Variants in NRXN3 observed in about 807,000 individuals in gnomAD.
The protein encoded by NRXN3 is neurexin III.
A neutral mutation model predicts 137.6 loss-of-function variants in NRXN3; 32 were observed. The observed-to-expected ratio is 0.23, with a 90% CI of 0.18 to 0.31. The LOEUF is 0.31. Among genes scored for constraint, NRXN3 ranks in the 10% least tolerant of loss-of-function variants. The pLI is 1.00. For missense variants in NRXN3, 1,574 were observed against 2,062.5 expected (o/e 0.76, Z 4.59); for synonymous variants, 798 against 784.5 (o/e 1.02, Z -0.29).
Position 78,645,456 on chromosome 14 carries a change from C to T in NRXN3, c.1059+35C>T, listed in dbSNP as rs551315100. On this transcript the variant is annotated intron_variant, in intron 5 of 20. Transcript: ENST00000335750. ...GAGGGGAGAGAATTCCTGGAAGGCT[C>T]ATCTTAGGTGGCTGGGTAGTAAATT... 7.1e-5 allele frequency: 108 copies of T among 1,521,200 alleles called. 1 individual carries two copies. In the South Asian group the frequency reaches 1.3e-3, roughly 18 times the overall value. The allele number at this position is 1,521,200 out of a possible 1,614,324, so 94.2% of individuals were successfully genotyped here.
At chr14:79,849,210 C>T (rs745740887) in intron 20 of NRXN3, among the ~76,000 whole-genome samples, 6 of 152,182 alleles carry the variant, frequency 3.9e-5, no homozygotes, top group African/African-American at 7.2e-5. Flanking sequence ...TCTACTTTTG[C>T]TTCCCAAAAG....
intron 19 of NRXN3, among the ~76,000 whole-genome samples, chr14:79,803,703 T>C (rs1343971509): frequency 6.6e-6 from 1 of 152,036 alleles, no homozygotes; most frequent in Non-Finnish European, 1.5e-5. Flanking sequence ...AAGAAGCCTA[T>C]TGCAAGCCAC....
intron 15 of NRXN3, among the ~76,000 whole-genome samples, chr14:79,417,187 C>G (rs2095509250): frequency 6.6e-6 from 1 of 152,074 alleles, no homozygotes; most frequent in Non-Finnish European, 1.5e-5. Context: ...GTATGATATG[C>G]AAGAAGCACC....
At chr14:78,553,845 C>A (rs1198625905) in intron 4 of NRXN3, among the ~76,000 whole-genome samples, 1 of 152,186 alleles carries the variant, frequency 6.6e-6, no homozygotes, top group Non-Finnish European at 1.5e-5. Flanking sequence ...GTTGTGCCTA[C>A]AGCAACTTGT....
intron 4 of NRXN3, among the ~76,000 whole-genome samples, chr14:78,628,093 G>T: frequency 6.8e-6 from 1 of 146,350 alleles, no homozygotes; most frequent in East Asian, 2.0e-4. Context: ...TTTTTTAAGA[G>T]ACCAAATCTT....
intron 2 of NRXN3, among the ~76,000 whole-genome samples, chr14:78,261,092 G>A (rs898127208): frequency 2.0e-5 from 3 of 152,142 alleles, no homozygotes; most frequent in Non-Finnish European, 4.4e-5. Context: ...AAAGAGCCCA[G>A]GCAGTGGATG....
At chr14:78,284,654 G>A (rs1317347297) in intron 3 of NRXN3, among the ~76,000 whole-genome samples, 3 of 152,176 alleles carry the variant, frequency 2.0e-5, no homozygotes, top group Non-Finnish European at 4.4e-5. Context: ...CGTTGTAGCT[G>A]TGTCTTGGTC....
In NRXN3 at chr14:78,613,590, T is replaced by G. The variant is rs567416691; in HGVS notation, c.758-31530T>G. Among the ~76,000 whole-genome samples the G allele has an allele frequency of 4.0e-4, 60 of 149,190 alleles. 1 individual carries two copies. In the South Asian group the frequency reaches 0.012, roughly 31 times the overall value. Reference sequence around the variant, plus strand: ...TCTCACAACCATAGTTTTTTTTTTTTTTTTTTTTTTTTTCCCTTGGAAAGG... The same window carrying G: ...TCTCACAACCATAGTTTTTTTTTTTGTTTTTTTTTTTTTCCCTTGGAAAGG... On this transcript the variant is annotated intron_variant, in intron 4 of 20. Coordinates refer to ENST00000335750, the MANE Select transcript of NRXN3 (RefSeq NM_001330195.2).
At chr14:78,410,542 C>G (rs888478899) in intron 4 of NRXN3, among the ~76,000 whole-genome samples, 1 of 152,140 alleles carries the variant, frequency 6.6e-6, no homozygotes, top group African/African-American at 2.4e-5. Context: ...TTCTTCAGAC[C>G]AGAGGGACCT....
intron 10 of NRXN3, among the ~76,000 whole-genome samples, chr14:78,872,822 A>AG (rs1413718002): frequency 5.3e-5 from 8 of 152,136 alleles, no homozygotes; most frequent in Non-Finnish European, 8.8e-5. Flanking sequence ...AGAGGAGAAA[A>AG]GGGAGTCTGT....
chr14:79,597,404 T>C (rs1048031726), intron 16 of NRXN3, among the ~76,000 whole-genome samples: 2 of 152,170 alleles, frequency 1.3e-5, no homozygotes, highest in African/African-American at 4.8e-5. Flanking sequence ...GAAAATGTAA[T>C]GCCAGGGACA....
intron 6 of NRXN3, among the ~76,000 whole-genome samples, chr14:78,674,011 G>A (rs1457684304): frequency 2.0e-5 from 3 of 152,198 alleles, no homozygotes; most frequent in African/African-American, 7.2e-5. Flanking sequence ...CCATGTGACA[G>A]AGCAGATATG....
intron 4 of NRXN3, among the ~76,000 whole-genome samples, chr14:78,399,789 T>C (rs76241743): frequency 0.014 from 2,162 of 152,310 alleles, 45 homozygotes; most frequent in African/African-American, 0.049. Flanking sequence ...ACTGTCATAG[T>C]CTTCAATTGC....
chr14:79,697,978 T>C (rs2098741381), intron 19 of NRXN3, 41 bp downstream of exon 19: 5 of 1,540,428 alleles, frequency 3.2e-6, no homozygotes, highest in Non-Finnish European at 4.5e-6. Context: ...TGTATTTTTA[T>C]CTTTGCAACA....
chr14:79,783,817 T>G (rs1032631057), intron 19 of NRXN3, among the ~76,000 whole-genome samples: 1 of 152,202 alleles, frequency 6.6e-6, no homozygotes, highest in Non-Finnish European at 1.5e-5. Flanking sequence ...CAGTGAATCC[T>G]AATTCCTCTT....
intron 15 of NRXN3, among the ~76,000 whole-genome samples, chr14:79,213,510 A>G (rs1373956039): frequency 6.6e-6 from 1 of 152,162 alleles, no homozygotes; most frequent in Admixed American, 6.6e-5. Context: ...GAAACAATTA[A>G]AAGAACAAGG....
intron 15 of NRXN3, among the ~76,000 whole-genome samples, chr14:79,212,518 C>T (rs2067824754): frequency 6.6e-6 from 1 of 152,190 alleles, no homozygotes; most frequent in Non-Finnish European, 1.5e-5. Flanking sequence ...GCCTTTTCTT[C>T]CCTGTTCCCA....
intron 2 of NRXN3, among the ~76,000 whole-genome samples, chr14:78,245,642 TAAAAC>T (rs2067564559): frequency 6.6e-6 from 1 of 152,186 alleles, no homozygotes; most frequent in Non-Finnish European, 1.5e-5. Context: ...TTAAAAAAAT[TAAAAC>T]AAAATTTATT....
intron 15 of NRXN3, among the ~76,000 whole-genome samples, chr14:79,285,869 C>G (rs2082157171): frequency 6.6e-6 from 1 of 150,650 alleles, no homozygotes; most frequent in Non-Finnish European, 1.5e-5. Context: ...CCCACCGCCC[C>G]CCACCATCCC....
Sources: gnomAD v4.1 joint callset for allele counts (sites outside exome capture counted in the v4.1 genomes callset) on GRCh38, gnomAD v4.1.1 for gene constraint, MANE v1.5 for transcripts, NCBI Gene and HGNC (gene_info 2026-07-23, HGNC 2026-07-21) for gene names.